The following UBXN2A variants were observed in gnomAD, a reference collection of about 807,000 sequenced individuals.
UBXN2A encodes UBX domain-containing protein 2A.
Under a neutral mutation model 28.4 loss-of-function variants are expected in UBXN2A, and 28 were observed. The observed-to-expected ratio is 0.99, with a 90% confidence interval of 0.73 to 1.35. The LOEUF (loss-of-function observed/expected upper bound fraction) is 1.35. Ranked by LOEUF, UBXN2A falls within the 40% of genes most tolerant of loss-of-function variation. The pLI is 0.00. For synonymous variants in UBXN2A, 97 were observed against 103.6 expected, an observed-to-expected ratio of 0.94 and a Z score of 0.39; for missense variants, 253 against 297.9, an observed-to-expected ratio of 0.85 and a Z score of 1.11.
intron 4 of UBXN2A, 89 bp downstream of exon 4, chr2:23,977,164 G>A: frequency 1.0e-6 from 1 of 987,056 alleles, no homozygotes; most frequent in Non-Finnish European, 1.6e-6. Flanking sequence ...AGGAGTTCAA[G>A]GCCAGCCGGG....
At chr2:23,973,343 T>TC (rs1417864630) in intron 3 of UBXN2A, among the ~76,000 whole-genome samples, 2 of 147,346 alleles carry the variant, frequency 1.4e-5, no homozygotes, top group Non-Finnish European at 3.0e-5. Context: ...TTTTTTTCTT[T>TC]TTTTTTTTTC....
chr2:23,978,495 T>C (rs533825555), intron 4 of UBXN2A, among the ~76,000 whole-genome samples: 1 of 150,082 alleles, frequency 6.7e-6, no homozygotes. Context: ...TACAAAAAAA[T>C]TAGCCAGGTG....
intron 2 of UBXN2A, 65 bp downstream of exon 2, chr2:23,958,420 A>G (rs1558288047): frequency 2.7e-6 from 4 of 1,461,552 alleles, no homozygotes; most frequent in Non-Finnish European, 3.7e-6. Flanking sequence ...TATTTTTATT[A>G]CATTTCACTT....
At chr2:23,929,020 T>A (rs1286507279) in intron 1 of UBXN2A, among the ~76,000 whole-genome samples, 1 of 152,120 alleles carries the variant, frequency 6.6e-6, no homozygotes, top group Non-Finnish European at 1.5e-5. Context: ...CCAGGCACTG[T>A]AGCTCACACC....
At chr2:23,937,130 G>C (rs908653405), upstream of UBXN2A, among the ~76,000 whole-genome samples, 5 of 152,198 alleles carry the variant, frequency 3.3e-5, no homozygotes, top group Admixed American at 3.3e-4. Flanking sequence ...AAAGTGCTGA[G>C]ATTACAGGTG....
chr2:23,973,783 C>T (rs1447508641), intron 3 of UBXN2A, among the ~76,000 whole-genome samples: 1 of 151,926 alleles, frequency 6.6e-6, no homozygotes, highest in African/African-American at 2.4e-5. Flanking sequence ...CAGGCATGCA[C>T]CACCACGCCT....
Position 23,984,739 on chromosome 2 carries a change from T to A in UBXN2A, c.492T>A (p.Ala164=). 6.4e-7 allele frequency: 1 copy of A among 1,565,684 alleles called. No individual in the cohort carries two copies. Among genetic ancestry groups the A allele is most frequent in the Non-Finnish European group, 8.6e-7 (1 of 1,164,752 alleles). Residue 164 remains alanine (A), a synonymous_variant, in exon 6 of 7, where the codon GCT becomes GCA. Transcript: ENST00000309033. The part of the protein sequence containing the change: ...IEVENKNNLS[A]VPLNNLEPIT... Reference sequence around the variant, plus strand: ...TTGAAAATAAAAATAATTTGTCTGCTGTTCCACTGAACAACTTGGAACCCA... The same window carrying A: ...TTGAAAATAAAAATAATTTGTCTGCAGTTCCACTGAACAACTTGGAACCCA...
Position 23,986,183 on chromosome 2 carries a change from G to T in UBXN2A, c.584+1352G>T, listed in dbSNP as rs188474678. Among the ~76,000 whole-genome samples the T allele has an allele frequency of 2.5e-3, 381 of 151,944 alleles. 2 individuals carry two copies. The highest frequency in any genetic ancestry group is 8.6e-3 in the African/African-American group (357 of 41,442). On this transcript the variant is annotated intron_variant, in intron 6 of 6. Transcript: ENST00000309033. ...AAATTAGCCGGGCGTGGTGGTGGGC[G>T]CCTGTAGTCCCAGCTACTCTGGAGG...
intron 1 of UBXN2A, among the ~76,000 whole-genome samples, chr2:23,950,035 G>A (rs113909114): frequency 0.09 from 8,561 of 95,108 alleles, 348 homozygotes; most frequent in African/African-American, 0.18. Context: ...CCCAAGGATC[G>A]CTACTCTTTG....
At chr2:23,948,254 CTTTT>C (rs60805838) in intron 1 of UBXN2A, among the ~76,000 whole-genome samples, 1 of 129,168 alleles carries the variant, frequency 7.7e-6, no homozygotes, top group Admixed American at 8.0e-5. Flanking sequence ...TTTTCTTTTT[CTTTT>C]TTTTTTTTTT....
At chr2:23,945,801 T>C (rs1263546200) in intron 1 of UBXN2A, among the ~76,000 whole-genome samples, 2 of 152,058 alleles carry the variant, frequency 1.3e-5, no homozygotes, top group Non-Finnish European at 2.9e-5. Context: ...TAATTTTTAA[T>C]TATGCATTTA....
intron 1 of UBXN2A, among the ~76,000 whole-genome samples, chr2:23,947,996 A>C (rs953347967): frequency 9.9e-5 from 15 of 151,814 alleles, no homozygotes; most frequent in African/African-American, 3.6e-4. Flanking sequence ...CTGAGATTAC[A>C]GGTGCCCACC....
chr2:23,933,741 CAG>C (rs1705444337), intron 1 of UBXN2A, among the ~76,000 whole-genome samples: 2 of 151,132 alleles, frequency 1.3e-5, no homozygotes, highest in South Asian at 2.1e-4. Context: ...AAAACAAAAA[CAG>C]AAACAAAAAA....
intron 2 of UBXN2A, among the ~76,000 whole-genome samples, chr2:23,966,575 C>A (rs1445208645): frequency 6.7e-6 from 1 of 150,210 alleles, no homozygotes; most frequent in Admixed American, 6.6e-5. Context: ...GCCTCAGCCT[C>A]CCGAGTAGCT....
At chr2:23,981,392 C>T (rs1284301054) in intron 4 of UBXN2A, among the ~76,000 whole-genome samples, 3 of 135,270 alleles carry the variant, frequency 2.2e-5, no homozygotes, top group Admixed American at 8.3e-5. Flanking sequence ...ATGGGAGAAT[C>T]GCTTGAGCCC....
In UBXN2A at chr2:23,946,151, A is replaced by G. The variant is rs1407048097; in HGVS notation, c.-15+5503A>G. Among the ~76,000 whole-genome samples, 5 of 151,726 alleles carry G rather than the reference A, an allele frequency of 3.3e-5. No individual in the cohort carries two copies. The South Asian group carries it at 8.3e-4, about 25-fold the overall frequency. On this transcript the variant is annotated intron_variant, in intron 1 of 6. Coordinates refer to ENST00000309033, the MANE Select transcript of UBXN2A (RefSeq NM_181713.4). ...CCAGCCACATTTAATTCTTTTGTTT[A>G]TTTATTTATTTATTTATTTTTAGAC...
chr2:23,942,967 CTT>C (rs531627035), intron 1 of UBXN2A, among the ~76,000 whole-genome samples: 6 of 145,048 alleles, frequency 4.1e-5, no homozygotes, highest in Non-Finnish European at 3.0e-5. Context: ...CTACAAACAA[CTT>C]TTTTTTTTTT....
intron 1 of UBXN2A, among the ~76,000 whole-genome samples, chr2:23,929,306 C>T (rs968815730): frequency 1.3e-5 from 2 of 151,780 alleles, no homozygotes; most frequent in Non-Finnish European, 2.9e-5. Flanking sequence ...GAGACTGAGG[C>T]GCCATCAGTC....
chr2:23,949,379 G>A (rs1278044082), intron 1 of UBXN2A, among the ~76,000 whole-genome samples: 1 of 151,692 alleles, frequency 6.6e-6, no homozygotes, highest in African/African-American at 2.4e-5. Flanking sequence ...AGACCATCCT[G>A]GCTAACACAT....
Sources: gnomAD v4.1 joint callset for allele counts (sites outside exome capture counted in the v4.1 genomes callset) on GRCh38, gnomAD v4.1.1 for gene constraint, MANE v1.5 for transcripts, NCBI Gene and HGNC (gene_info 2026-07-23, HGNC 2026-07-21) for gene names.